Variants in IFT57 observed in about 807,000 individuals in gnomAD.
IFT57 encodes the protein intraflagellar transport protein 57 homolog.
IFT57 carries 59 observed loss-of-function variants against 56.8 expected under a neutral mutation model. That is an observed-to-expected ratio of 1.04 (90% CI 0.84 to 1.29). The LOEUF (loss-of-function observed/expected upper bound fraction) is 1.29. Among genes scored for constraint, IFT57 ranks in the 50% most tolerant of loss-of-function variants. IFT57 has a pLI of 0.00. For missense variants in IFT57, 470 were observed against 522.1 expected (o/e 0.90, Z 0.97); for synonymous variants, 209 against 186.1 (o/e 1.12, Z -1.00).
intron 5 of IFT57, among the ~76,000 whole-genome samples, chr3:108,203,568 G>T (rs1420762154): frequency 7.8e-6 from 1 of 129,010 alleles, no homozygotes; most frequent in East Asian, 2.4e-4. Flanking sequence ...ATTATTGTCA[G>T]TAAGTTCTTT....
intron 5 of IFT57, among the ~76,000 whole-genome samples, chr3:108,205,159 G>A (rs2108323182): frequency 6.6e-6 from 1 of 152,246 alleles, no homozygotes. Flanking sequence ...TCAGATTTCA[G>A]ACGGGGAAAT....
chr3:108,217,994 C>T (rs1422768575), intron 3 of IFT57, among the ~76,000 whole-genome samples: 1 of 107,016 alleles, frequency 9.3e-6, no homozygotes, highest in Non-Finnish European at 2.1e-5. Flanking sequence ...CAATTTTATA[C>T]CATAGGATAA....
At chr3:108,164,092 C>T (rs1332915510) in intron 9 of IFT57, among the ~76,000 whole-genome samples, 1 of 152,026 alleles carries the variant, frequency 6.6e-6, no homozygotes, top group African/African-American at 2.4e-5. Context: ...ATAGTATAAA[C>T]ATCCTGAAGA....
chr3:108,174,008 G>A lies in IFT57; in HGVS notation c.778-6144C>T, dbSNP rs911631311. ...TTTGCATATATTTGAGTGTGTGTGT[G>A]TGTGTGTGTGTGTGTGTGTGTGTGT... On this transcript the variant is annotated intron_variant, in intron 6 of 10. Transcript: ENST00000264538. Among the ~76,000 whole-genome samples the A allele has an allele frequency of 5.3e-4, 77 of 146,286 alleles. 1 individual carries two copies. The highest frequency in any genetic ancestry group is 3.6e-3 in the Middle Eastern group (1 of 280).
chr3:108,222,195 A>G lies in IFT57; in HGVS notation c.128T>C (p.Val43Ala), dbSNP rs752641306. 55 of 1,613,870 alleles carry G rather than the reference A, an allele frequency of 3.4e-5. No individual in the cohort carries two copies. Among genetic ancestry groups the G allele is most frequent in the Non-Finnish European group, 5.9e-6 (7 of 1,179,988 alleles). ...GPGAAYHMFVVMEDLVEKLKL... is the reference protein window; with the variant it reads ...GPGAAYHMFVAMEDLVEKLKL... Reference sequence around the variant, plus strand: ...CAGCTTCTCCACCAAGTCCTCCATCACCACGAACATGTGGTAGGCCGCGCC... The same window carrying G: ...CAGCTTCTCCACCAAGTCCTCCATCGCCACGAACATGTGGTAGGCCGCGCC... The change falls in exon 1 of 11, where the codon GTG (valine) becomes GCG (alanine). Residue 43 changes from valine (V) to alanine (A), a missense_variant. By Grantham distance (64) the Val-to-Ala change is moderately conservative (BLOSUM62 0). Transcript: ENST00000264538.
At chr3:108,183,567 T>C (rs1381285193) in intron 6 of IFT57, among the ~76,000 whole-genome samples, 1 of 152,188 alleles carries the variant, frequency 6.6e-6, no homozygotes, top group East Asian at 1.9e-4. Context: ...CAGCCATATC[T>C]GAACATATAG....
At chr3:108,204,316 T>TA (rs2080297583) in intron 5 of IFT57, among the ~76,000 whole-genome samples, 1 of 125,726 alleles carries the variant, frequency 8.0e-6, no homozygotes, top group South Asian at 2.4e-4. Flanking sequence ...CTAAAGGAGT[T>TA]ATGTTATATA....
chr3:108,174,937 G>A (rs1296260257), intron 6 of IFT57, among the ~76,000 whole-genome samples: 1 of 151,784 alleles, frequency 6.6e-6, no homozygotes, highest in Non-Finnish European at 1.5e-5. Context: ...TGTTTGTTAT[G>A]CAGAAAAATT....
chr3:108,213,526 C>G (rs1345243539), intron 4 of IFT57, among the ~76,000 whole-genome samples: 1 of 152,138 alleles, frequency 6.6e-6, no homozygotes, highest in Non-Finnish European at 1.5e-5. Context: ...CCTACTCATC[C>G]TAATTGTAGA....
At chr3:108,217,068 T>C (rs1224898938) in intron 3 of IFT57, among the ~76,000 whole-genome samples, 1 of 152,106 alleles carries the variant, frequency 6.6e-6, no homozygotes, top group Non-Finnish European at 1.5e-5. Flanking sequence ...AACAATAATA[T>C]ATATTTGAAA....
intron 6 of IFT57, among the ~76,000 whole-genome samples, chr3:108,169,494 A>AG (rs2080081498): frequency 6.6e-6 from 1 of 151,994 alleles, no homozygotes; most frequent in Non-Finnish European, 1.5e-5. Context: ...GTTTAATTAG[A>AG]GGCCATTTGT....
chr3:108,168,590 T>G (rs1461390601), intron 6 of IFT57, among the ~76,000 whole-genome samples: 1 of 151,960 alleles, frequency 6.6e-6, no homozygotes, highest in Non-Finnish European at 1.5e-5. Flanking sequence ...CAACCTGTCA[T>G]CTAGGTTTTA....
chr3:108,202,771 T>G (rs919648512), intron 5 of IFT57, among the ~76,000 whole-genome samples: 1 of 152,194 alleles, frequency 6.6e-6, no homozygotes, highest in Non-Finnish European at 1.5e-5. Flanking sequence ...ACAGAATGAC[T>G]TTAAATATAT....
intron 6 of IFT57, among the ~76,000 whole-genome samples, chr3:108,180,722 C>T (rs1033559324): frequency 7.2e-5 from 11 of 151,894 alleles, no homozygotes; most frequent in Non-Finnish European, 1.5e-4. Context: ...AGTGATAGAA[C>T]TACTCTAATA....
intron 3 of IFT57, among the ~76,000 whole-genome samples, chr3:108,217,126 C>A (rs1441863836): frequency 6.6e-6 from 1 of 152,004 alleles, no homozygotes; most frequent in Non-Finnish European, 1.5e-5. Flanking sequence ...AAATGATAAA[C>A]GTTTGAAATG....
At chr3:108,184,271 T>C (rs2080167084) in intron 6 of IFT57, among the ~76,000 whole-genome samples, 1 of 152,154 alleles carries the variant, frequency 6.6e-6, no homozygotes, top group African/African-American at 2.4e-5. Flanking sequence ...TCTGGATACA[T>C]AACCACCCTA....
At chr3:108,199,570 A>G (rs945701288) in intron 5 of IFT57, among the ~76,000 whole-genome samples, 1 of 152,252 alleles carries the variant, frequency 6.6e-6, no homozygotes, top group Admixed American at 6.5e-5. Flanking sequence ...AATCTAAGGT[A>G]AGGAATATGA....
chr3:108,183,870 C>T (rs1004114001), intron 6 of IFT57, among the ~76,000 whole-genome samples: 10 of 152,082 alleles, frequency 6.6e-5, no homozygotes, highest in Non-Finnish European at 1.0e-4. Context: ...TATGAATATG[C>T]ATTCACCTTT....
intron 8 of IFT57, 78 bp downstream of exon 8, chr3:108,166,776 A>T: frequency 8.3e-7 from 1 of 1,198,206 alleles, no homozygotes; most frequent in Non-Finnish European, 1.1e-6. Context: ...CATGATTCTC[A>T]AATGAACAGT....
Sources: gnomAD v4.1 joint callset for allele counts (sites outside exome capture counted in the v4.1 genomes callset) on GRCh38, gnomAD v4.1.1 for gene constraint, MANE v1.5 for transcripts, NCBI Gene and HGNC (gene_info 2026-07-23, HGNC 2026-07-21) for gene names.